The following SLC25A40 variants were observed in gnomAD, a reference collection of about 807,000 sequenced individuals.
SLC25A40 encodes solute carrier family 25 member 40.
A neutral mutation model predicts 46.5 loss-of-function variants in SLC25A40; 41 were observed. The ratio of observed to expected loss-of-function variants is 0.88; its 90% CI spans 0.69 to 1.14. The LOEUF (loss-of-function observed/expected upper bound fraction) is 1.14. Among genes scored for constraint, SLC25A40 ranks in the 50% most tolerant of loss-of-function variants. The probability of loss-of-function intolerance (pLI) is 0.00; values close to 1 mark genes in which losing one functional copy is unlikely to be tolerated. For synonymous variants in SLC25A40, 126 were observed against 127.5 expected (o/e 0.99, Z 0.08); for missense variants, 386 against 393.6 (o/e 0.98, Z 0.16).
chr7:87,855,796 A>T (rs1838605096), intron 4 of SLC25A40, among the ~76,000 whole-genome samples: 1 of 152,200 alleles, frequency 6.6e-6, no homozygotes, highest in Non-Finnish European at 1.5e-5. Flanking sequence ...ATCTTTATAA[A>T]CCTATAAAAT....
chr7:87,841,277 A>G (rs904340126), intron 10 of SLC25A40, among the ~76,000 whole-genome samples: 1 of 151,328 alleles, frequency 6.6e-6, no homozygotes, highest in African/African-American at 2.4e-5. Context: ...ACTTGAAAGA[A>G]GACTTAAAAG....
At chr7:87,869,769 T>C (rs1286017774) in intron 1 of SLC25A40, among the ~76,000 whole-genome samples, 4 of 152,234 alleles carry the variant, frequency 2.6e-5, no homozygotes, top group African/African-American at 4.8e-5. Context: ...TAGGGCCTAT[T>C]ACAAATAAAG....
chr7:87,851,180 AAT>A (rs143502605), intron 5 of SLC25A40, among the ~76,000 whole-genome samples: 4,077 of 152,340 alleles, frequency 0.027, 115 homozygotes, highest in East Asian at 0.091. Context: ...AAACAACCCA[AAT>A]GTCTATCAAA....
chr7:87,850,072 G>T, intron 5 of SLC25A40, 124 bp from the exon 6 acceptor site: 2 of 615,528 alleles, frequency 3.2e-6, no homozygotes, highest in Non-Finnish European at 5.5e-6. Context: ...AAGCTTTTTG[G>T]ATTTATGTAT....
Position 87,836,713 on chromosome 7 carries a change from A to G in SLC25A40, c.904+17T>C. The G allele has an allele frequency of 6.8e-7, 1 of 1,472,132 alleles. No homozygotes were observed. Among genetic ancestry groups the G allele is most frequent in the Non-Finnish European group, 9.2e-7 (1 of 1,089,420 alleles). 91.2% of individuals were successfully genotyped at this position (1,472,132 alleles called of 1,614,324 possible). A position where few individuals can be genotyped will look rare whatever the true frequency, so the allele number is the denominator to read the frequency against. ...TAATCATTCTATTCAATGATTCGGT[A>G]AAGCAAGTATTTTTACCTGAAAATA... On this transcript the variant is annotated intron_variant, in intron 11 of 11. Transcript: ENST00000341119.
intron 2 of SLC25A40, chr7:87,860,174 G>A (rs1335336159): frequency 6.6e-6 from 1 of 152,066 alleles, no homozygotes; most frequent in Non-Finnish European, 1.5e-5. Flanking sequence ...TCCAGCCTAG[G>A]TGACAGAGAA....
At chr7:87,873,265 AAATT>A (rs1415974954) in intron 1 of SLC25A40, among the ~76,000 whole-genome samples, 1 of 152,174 alleles carries the variant, frequency 6.6e-6, no homozygotes, top group African/African-American at 2.4e-5. Flanking sequence ...AAGTACTACA[AAATT>A]AATTTGTCTA....
At chr7:87,866,301 G>A (rs1211269774) in intron 1 of SLC25A40, among the ~76,000 whole-genome samples, 1 of 152,046 alleles carries the variant, frequency 6.6e-6, no homozygotes, top group Non-Finnish European at 1.5e-5. Context: ...TATATTTGCT[G>A]GATACAGTAT....
In SLC25A40 at chr7:87,849,930, T is replaced by C; in HGVS notation, c.283A>G (p.Ile95Val). The change falls in exon 6 of 12, where the codon ATT becomes GTT. Residue 95 changes from isoleucine to valine, a missense_variant. Transcript: ENST00000341119. Reference sequence around the variant, plus strand: ...AGAGATTTAATGCCCTCATTTCGAATGATTTTAAAAAATGCATCCTAAAGT... The same window carrying C: ...AGAGATTTAATGCCCTCATTTCGAACGATTTTAAAAAATGCATCCTAAAGT... The part of the protein sequence containing the change: ...QGTLDAFFKI[I>V]RNEGIKSLWS... 1.3e-6 allele frequency: 2 copies of C among 1,599,458 alleles called. No homozygotes were observed. The highest frequency in any genetic ancestry group is 1.7e-5 in the Admixed American group (1 of 57,642).
chr7:87,871,186 A>T (rs1838890782), intron 1 of SLC25A40, among the ~76,000 whole-genome samples: 1 of 152,224 alleles, frequency 6.6e-6, no homozygotes. Flanking sequence ...CATGCACTCC[A>T]GTTCCCATGC....
intron 5 of SLC25A40, among the ~76,000 whole-genome samples, chr7:87,853,663 G>C (rs1460747723): frequency 1.3e-5 from 2 of 152,244 alleles, no homozygotes; most frequent in Admixed American, 1.3e-4. Context: ...ATTATGCTAT[G>C]TAAAAAATGC....
intron 4 of SLC25A40, 125 bp downstream of exon 4, chr7:87,856,167 G>C: frequency 3.7e-6 from 3 of 818,154 alleles, no homozygotes; most frequent in South Asian, 1.8e-5. Flanking sequence ...GAAAAAAAAA[G>C]TTTTTCATGA....
chr7:87,847,726 A>C, intron 7 of SLC25A40, 127 bp downstream of exon 7: 1 of 914,700 alleles, frequency 1.1e-6, no homozygotes, highest in Non-Finnish European at 1.5e-6. Flanking sequence ...TAACAAATTA[A>C]TATAAACTAT....
intron 3 of SLC25A40, among the ~76,000 whole-genome samples, chr7:87,857,948 G>T (rs1167380579): frequency 1.3e-5 from 2 of 152,168 alleles, no homozygotes; most frequent in Admixed American, 1.3e-4. Flanking sequence ...TCCTAGCAAG[G>T]AATATTAATA....
rs59965458 is a variant in SLC25A40 at position 87,857,719 on chromosome 7, G to C, written c.97+912C>G. ...TCACATCAGGGCCACTATGATAATT[G>C]TGATAACTGTACAAATTGATTGTAA... On this transcript the variant is annotated intron_variant, in intron 3 of 11. Transcript: ENST00000341119. Among the ~76,000 whole-genome samples, 1,195 of 152,274 alleles carry C rather than the reference G, an allele frequency of 7.8e-3. 22 individuals carry two copies. Among genetic ancestry groups the C allele is most frequent in the African/African-American group, 0.027 (1,131 of 41,558 alleles).
Position 87,836,235 on chromosome 7 carries a change from T to C in SLC25A40, c.*14A>G, listed in dbSNP as rs755009887. The C allele has an allele frequency of 5.2e-6, 8 of 1,533,634 alleles. No individual in the cohort carries two copies. Among genetic ancestry groups the C allele is most frequent in the South Asian group, 2.4e-5 (2 of 83,918 alleles). ...CTTTGGCTATAGTTGTTGTTTCAAG[T>C]TGAAACAGCATCACTAGTATTGCTG... On this transcript the variant is annotated 3_prime_UTR_variant, in exon 12 of 12. Transcript: ENST00000341119.
At chr7:87,854,702 C>T (rs1438833343) in intron 4 of SLC25A40, among the ~76,000 whole-genome samples, 5 of 151,250 alleles carry the variant, frequency 3.3e-5, no homozygotes, top group East Asian at 2.0e-4. Flanking sequence ...GTCCCAGCTA[C>T]TCGGGAGGCT....
At chr7:87,856,023 A>T (rs1464890920) in intron 4 of SLC25A40, among the ~76,000 whole-genome samples, 3 of 152,152 alleles carry the variant, frequency 2.0e-5, no homozygotes, top group African/African-American at 7.2e-5. Context: ...GTCCCTCACA[A>T]ATATAATTCT....
Position 87,839,363 on chromosome 7 carries a change from T to G in SLC25A40, c.823+2270A>C, listed in dbSNP as rs1584321829. Among the ~76,000 whole-genome samples the G allele has an allele frequency of 1.3e-5, 2 of 148,184 alleles. 1 individual carries two copies. Among genetic ancestry groups the G allele is most frequent in the African/African-American group, 5.0e-5 (2 of 39,898 alleles). On this transcript the variant is annotated intron_variant, in intron 10 of 11. Transcript: ENST00000341119. Reference sequence around the variant, plus strand: ...TTAAATATTAAAACCAACGTACTATTTATTAAATCTATTAAATACTTAAAT... The same window carrying G: ...TTAAATATTAAAACCAACGTACTATGTATTAAATCTATTAAATACTTAAAT...
Sources: gnomAD v4.1 joint callset for allele counts (sites outside exome capture counted in the v4.1 genomes callset) on GRCh38, gnomAD v4.1.1 for gene constraint, MANE v1.5 for transcripts, NCBI Gene and HGNC (gene_info 2026-07-23, HGNC 2026-07-21) for gene names.